NTM: variants seen among roughly 807,000 people sequenced by gnomAD.
The protein encoded by NTM is neurotrimin.
In NTM, 13 loss-of-function variants were observed where a neutral mutation model predicts 42.1. The ratio of observed to expected loss-of-function variants is 0.31; its 90% CI spans 0.20 to 0.49. The LOEUF is 0.49. Among genes scored for constraint, NTM ranks in the 20% least tolerant of loss-of-function variants. The probability of loss-of-function intolerance (pLI) is 0.99; values close to 1 mark genes in which losing one functional copy is unlikely to be tolerated. For missense variants in NTM, 373 were observed against 452.8 expected (o/e 0.82, Z 1.60); for synonymous variants, 187 against 179.2 (o/e 1.04, Z -0.35).
intron 1 of NTM, among the ~76,000 whole-genome samples, chr11:131,558,432 A>ATAATCCTCCTGGTTTTATGATTTC (rs1173160035): frequency 2.0e-5 from 3 of 152,160 alleles, no homozygotes; most frequent in Admixed American, 1.3e-4. Context: ...AGGGTTTTAT[A>ATAATCCTCCTGGTTTTATGATTTC]TAATCCTCCT....
chr11:132,227,759 G>A (rs2086623984), intron 4 of NTM, among the ~76,000 whole-genome samples: 2 of 152,180 alleles, frequency 1.3e-5, no homozygotes, highest in Admixed American at 1.3e-4. Flanking sequence ...GCAATTGACT[G>A]TGGCTGACAC....
At chr11:131,483,941 A>G (rs897172399) in intron 1 of NTM, among the ~76,000 whole-genome samples, 45 of 149,234 alleles carry the variant, frequency 3.0e-4, no homozygotes, top group African/African-American at 1.0e-3. Context: ...ATCACCCATA[A>G]TCAGATGCAG....
At chr11:131,920,380 G>C (rs1220088866) in intron 2 of NTM, among the ~76,000 whole-genome samples, 1 of 152,198 alleles carries the variant, frequency 6.6e-6, no homozygotes. Flanking sequence ...AGAGAAGGAG[G>C]CTTCTTTGCA....
intron 1 of NTM, among the ~76,000 whole-genome samples, chr11:131,412,574 A>G (rs1946541612): frequency 6.6e-6 from 1 of 152,210 alleles, no homozygotes; most frequent in Admixed American, 6.5e-5. Flanking sequence ...CATTTAGATA[A>G]CATAGCAAAA....
intron 2 of NTM, among the ~76,000 whole-genome samples, chr11:131,965,254 GC>G (rs1234391736): frequency 2.6e-5 from 4 of 152,126 alleles, no homozygotes; most frequent in Admixed American, 1.3e-4. Context: ...CAGGAAAGGA[GC>G]TCTGATCTGT....
At chr11:132,005,658 C>T (rs543117074) in intron 2 of NTM, among the ~76,000 whole-genome samples, 1 of 152,260 alleles carries the variant, frequency 6.6e-6, no homozygotes, top group South Asian at 2.1e-4. Flanking sequence ...TTTTCATATC[C>T]TACCATCCAA....
chr11:131,782,421 T>C (rs2088327521), intron 1 of NTM, among the ~76,000 whole-genome samples: 1 of 151,742 alleles, frequency 6.6e-6, no homozygotes, highest in South Asian at 2.1e-4. Context: ...TTATATAAAA[T>C]ATTTAAGGAG....
intron 1 of NTM, among the ~76,000 whole-genome samples, chr11:131,714,146 A>G (rs4937648): frequency 0.19 from 29,188 of 152,040 alleles, 3,385 homozygotes; most frequent in East Asian, 0.39. Context: ...AACTCCTGAT[A>G]TCGTACCTGG....
chr11:131,462,745 G>A (rs11222649), intron 1 of NTM, among the ~76,000 whole-genome samples: 11,117 of 152,114 alleles, frequency 0.073, 982 homozygotes, highest in East Asian at 0.22. Flanking sequence ...GGAAGGGCCT[G>A]GCAGCAAAAC....
intron 1 of NTM, among the ~76,000 whole-genome samples, chr11:131,679,125 G>C (rs142215858): frequency 6.6e-6 from 1 of 152,104 alleles, no homozygotes; most frequent in South Asian, 2.1e-4. Context: ...GGCCACCGTC[G>C]TTTGCTCCAT....
chr11:132,331,644 A>G (rs2095802258), intron 8 of NTM, among the ~76,000 whole-genome samples: 1 of 152,198 alleles, frequency 6.6e-6, no homozygotes, highest in Non-Finnish European at 1.5e-5. Flanking sequence ...TAAGGAACTT[A>G]CTGCACAGAG....
At chr11:132,061,130 G>A (rs947322793) in intron 2 of NTM, among the ~76,000 whole-genome samples, 2 of 151,922 alleles carry the variant, frequency 1.3e-5, no homozygotes, top group African/African-American at 4.8e-5. Flanking sequence ...TGCAATTTTT[G>A]TTCAAAAATC....
At chr11:131,847,606 C>G (rs945772289) in intron 1 of NTM, among the ~76,000 whole-genome samples, 3 of 152,090 alleles carry the variant, frequency 2.0e-5, no homozygotes, top group African/African-American at 7.2e-5. Flanking sequence ...CTCTTCTCCC[C>G]ACTTGTTCTG....
chr11:131,789,635 AAAAGAAGAAGAAGAAG>A (rs2090466754), intron 1 of NTM, among the ~76,000 whole-genome samples: 3 of 37,906 alleles, frequency 7.9e-5, no homozygotes, highest in African/African-American at 2.8e-4. Context: ...GAAGAAGAAG[AAAAGAAGAAGAAGAAG>A]AAGAAGAAGA....
At chr11:131,596,020 C>T (rs1038542077) in intron 1 of NTM, among the ~76,000 whole-genome samples, 1 of 152,164 alleles carries the variant, frequency 6.6e-6, no homozygotes, top group Non-Finnish European at 1.5e-5. Flanking sequence ...GGAAGAATGC[C>T]CTGAGTCCTC....
At chr11:131,485,033 G>T (rs1954013903) in intron 1 of NTM, among the ~76,000 whole-genome samples, 1 of 152,164 alleles carries the variant, frequency 6.6e-6, no homozygotes, top group Admixed American at 6.5e-5. Context: ...TTGTGGAAAG[G>T]ATTAAATAAT....
At chr11:132,179,944 G>A (rs1047123687) in intron 3 of NTM, among the ~76,000 whole-genome samples, 1 of 152,086 alleles carries the variant, frequency 6.6e-6, no homozygotes, top group African/African-American at 2.4e-5. Context: ...TAACATCTCA[G>A]TGCCTCCATT....
intron 7 of NTM, chr11:132,315,050 A>G (rs2095391719): frequency 9.4e-7 from 1 of 1,060,670 alleles, no homozygotes; most frequent in Non-Finnish European, 1.1e-6. Context: ...ATAGGAGAAA[A>G]ATACTTTGGA....
At chr11:131,621,243 A>G (rs920385803) in intron 1 of NTM, among the ~76,000 whole-genome samples, 2 of 152,194 alleles carry the variant, frequency 1.3e-5, no homozygotes, top group African/African-American at 2.4e-5. Flanking sequence ...CTACCCAGCT[A>G]GGTATTTATC....
Sources: gnomAD v4.1 joint callset for allele counts (sites outside exome capture counted in the v4.1 genomes callset) on GRCh38, gnomAD v4.1.1 for gene constraint, MANE v1.5 for transcripts, NCBI Gene and HGNC (gene_info 2026-07-23, HGNC 2026-07-21) for gene names.